LVRN: variants seen among roughly 807,000 people sequenced by gnomAD.
LVRN encodes the protein aminopeptidase Q.
In LVRN, 99 loss-of-function variants were observed where a neutral mutation model predicts 111.4. That is an observed-to-expected ratio of 0.89 (90% CI 0.76 to 1.05). The LOEUF (loss-of-function observed/expected upper bound fraction) is 1.05, where lower values mean the gene tolerates loss of function less well. Ranked by LOEUF, LVRN falls within the 50% of genes least tolerant of loss-of-function variation. The pLI is 0.00. For missense variants in LVRN, 1,414 were observed against 1,206.8 expected, an observed-to-expected ratio of 1.17 and a Z score of -2.54; for synonymous variants, 488 against 449.5, an observed-to-expected ratio of 1.09 and a Z score of -1.08.
chr5:116,026,243 C>G lies in LVRN; in HGVS notation c.*125C>G. ...ATTTGTATTTCAGTCACATTTATTA[C>G]TCAGAGTGCCATTCTTCTCATATTG... On this transcript the variant is annotated 3_prime_UTR_variant, in exon 20 of 20. Coordinates refer to ENST00000357872, the MANE Select transcript of LVRN (RefSeq NM_173800.5). 1.5e-6 allele frequency: 2 copies of G among 1,369,496 alleles called. No homozygotes were observed. Among genetic ancestry groups the G allele is most frequent in the Non-Finnish European group, 2.0e-6 (2 of 1,001,470 alleles). The allele number at this position is 1,369,496 out of a possible 1,614,324, so 84.8% of individuals were successfully genotyped here.
intron 13 of LVRN, among the ~76,000 whole-genome samples, chr5:116,010,300 T>C (rs1748457698): frequency 1.3e-5 from 2 of 152,234 alleles, no homozygotes; most frequent in Admixed American, 6.5e-5. Flanking sequence ...TATTATGATA[T>C]TAGCTTTATT....
chr5:115,996,376 T>C (rs1400921854), intron 6 of LVRN, among the ~76,000 whole-genome samples: 2 of 152,216 alleles, frequency 1.3e-5, no homozygotes, highest in Non-Finnish European at 2.9e-5. Flanking sequence ...TTATTTCTTT[T>C]TATCATTAGT....
At chr5:116,015,502 A>G in intron 17 of LVRN, 83 bp downstream of exon 17, 1 of 1,473,390 alleles carries the variant, frequency 6.8e-7, no homozygotes, top group Middle Eastern at 1.9e-4. Flanking sequence ...GTGCTAATGT[A>G]AGTATTAAAA....
At chr5:115,987,600 A>T (rs2112577526) in intron 3 of LVRN, among the ~76,000 whole-genome samples, 1 of 152,292 alleles carries the variant, frequency 6.6e-6, no homozygotes, top group East Asian at 1.9e-4. Context: ...CAAAGATTGA[A>T]ATAACACACT....
intron 10 of LVRN, among the ~76,000 whole-genome samples, chr5:116,002,386 A>T (rs1338172217): frequency 6.6e-6 from 1 of 152,234 alleles, no homozygotes. Flanking sequence ...CCTGTTGAAT[A>T]GTTTTCAGAT....
At chr5:115,996,680 A>G (rs1748120819) in intron 6 of LVRN, among the ~76,000 whole-genome samples, 1 of 152,182 alleles carries the variant, frequency 6.6e-6, no homozygotes, top group Non-Finnish European at 1.5e-5. Flanking sequence ...AACATTAGGG[A>G]CGAAGGCTTT....
intron 14 of LVRN, 134 bp downstream of exon 14, chr5:116,011,028 G>GGAT: frequency 5.1e-6 from 1 of 197,048 alleles, no homozygotes; most frequent in South Asian, 2.4e-4. Context: ...TATATATATG[G>GGAT]AAGTATATAC....
intron 10 of LVRN, among the ~76,000 whole-genome samples, chr5:116,001,704 C>T (rs537865080): frequency 6.6e-5 from 10 of 152,130 alleles, no homozygotes; most frequent in African/African-American, 2.4e-4. Context: ...TGTGTGGATG[C>T]GTGCGTTTGT....
At chr5:115,974,234 A>C (rs1303847298) in intron 1 of LVRN, among the ~76,000 whole-genome samples, 2 of 152,228 alleles carry the variant, frequency 1.3e-5, no homozygotes, top group African/African-American at 4.8e-5. Context: ...TGCCAGATCA[A>C]AAGGCTTATG....
chr5:116,009,018 A>G (rs948203624), intron 13 of LVRN, among the ~76,000 whole-genome samples: 1 of 152,244 alleles, frequency 6.6e-6, no homozygotes, highest in Non-Finnish European at 1.5e-5. Flanking sequence ...AGGACAAGTC[A>G]ATGCCTGGCT....
rs771946389 is a variant in LVRN, at chr5:116,015,765, G to C, written c.2756G>C (p.Arg919Thr). Reference protein sequence around the residue: ...LVNNWQAVSKRYGTQSLINLI... With the variant: ...LVNNWQAVSKTYGTQSLINLI... ...AACAACTGGCAAGCTGTGAGTAAAA[G>C]GTAAGAAGGAAAGTGAGACCTTTCT... Residue 919 changes from arginine (R) to threonine (T), a missense_variant and splice_region_variant, in exon 18 of 20, where the codon AGG (arginine) becomes ACG (threonine). Coordinates refer to ENST00000357872, the MANE Select transcript of LVRN (RefSeq NM_173800.5). The C allele has an allele frequency of 1.2e-5, 19 of 1,612,692 alleles. No individual in the cohort carries two copies. In the African/African-American group the frequency reaches 2.3e-4, roughly 19 times the overall value.
intron 1 of LVRN, among the ~76,000 whole-genome samples, chr5:115,973,345 G>A (rs1250665494): frequency 6.6e-6 from 1 of 152,178 alleles, no homozygotes; most frequent in South Asian, 2.1e-4. Context: ...GTTCATGAGA[G>A]TTATGGACTT....
intron 1 of LVRN, among the ~76,000 whole-genome samples, chr5:115,982,685 C>T (rs758441616): frequency 2.4e-4 from 36 of 152,032 alleles, no homozygotes; most frequent in Non-Finnish European, 3.8e-4. Flanking sequence ...TAATGTCACT[C>T]TTTGTATTTT....
chr5:115,989,382 T>C (rs1318558824), intron 4 of LVRN, among the ~76,000 whole-genome samples: 1 of 152,200 alleles, frequency 6.6e-6, no homozygotes, highest in Non-Finnish European at 1.5e-5. Flanking sequence ...TTGCACATCC[T>C]GAAATGGCTT....
rs981965564 is a variant in LVRN at position 115,987,728 on chromosome 5, G to C, written c.979-85G>C. 2.1e-6 allele frequency: 3 copies of C among 1,462,516 alleles called. No individual in the cohort carries two copies. In the African/African-American group the frequency reaches 4.3e-5, roughly 21 times the overall value. The allele number at this position is 1,462,516 out of a possible 1,614,324, so 90.6% of individuals were successfully genotyped here. ...TCTGGAAAGGTAAGACTTTGGTTCAGCAGCAGGGAATTGGAGCAAGCAGAC... is the reference window on the plus strand; with the variant it reads ...TCTGGAAAGGTAAGACTTTGGTTCACCAGCAGGGAATTGGAGCAAGCAGAC... On this transcript the variant is annotated intron_variant, in intron 3 of 19. Transcript: ENST00000357872.
chr5:116,019,738 GT>G (rs1432668641), intron 18 of LVRN, among the ~76,000 whole-genome samples: 2 of 152,170 alleles, frequency 1.3e-5, no homozygotes, highest in African/African-American at 4.8e-5. Context: ...CTCCCATAAG[GT>G]GGTATCTTGC....
Position 115,963,080 on chromosome 5 carries a change from C to A in LVRN, c.463C>A (p.Arg155Ser), listed in dbSNP as rs749372240. The A allele has an allele frequency of 2.5e-6, 4 of 1,613,538 alleles. No individual in the cohort carries two copies. In the African/African-American group the frequency reaches 4.0e-5, roughly 16 times the overall value. ...GCATAGCCTCTTCCAGGACTGCGAGCGCGCCGAGGTGCGGGGACCCCTTTC... is the reference window on the plus strand; with the variant it reads ...GCATAGCCTCTTCCAGGACTGCGAGAGCGCCGAGGTGCGGGGACCCCTTTC... ...LLHSLFQDCE[R>S]AEVRGPLSPG... The change falls in exon 1 of 20, where the codon CGC becomes AGC. Residue 155 changes from arginine to serine, a missense_variant. Physicochemically the swap from Arg to Ser is moderately radical, Grantham distance 110. Coordinates refer to ENST00000357872, the MANE Select transcript of LVRN (RefSeq NM_173800.5).
chr5:116,012,511 A>T (rs373494281), intron 15 of LVRN, 43 bp downstream of exon 15: 1 of 1,160,890 alleles, frequency 8.6e-7, no homozygotes, highest in African/African-American at 1.6e-5. Flanking sequence ...AAATGCATTC[A>T]TATTAATAGG....
intron 1 of LVRN, among the ~76,000 whole-genome samples, chr5:115,968,752 C>G (rs1753257242): frequency 6.6e-6 from 1 of 152,176 alleles, no homozygotes; most frequent in Non-Finnish European, 1.5e-5. Flanking sequence ...GTATAACCCT[C>G]AGACAAATTT....
Sources: gnomAD v4.1 joint callset for allele counts (sites outside exome capture counted in the v4.1 genomes callset) on GRCh38, gnomAD v4.1.1 for gene constraint, MANE v1.5 for transcripts, NCBI Gene and HGNC (gene_info 2026-07-23, HGNC 2026-07-21) for gene names.